NEK7: variants seen among roughly 807,000 people sequenced by gnomAD.
NEK7 encodes the protein NIMA related kinase 7.
NEK7 carries 18 observed loss-of-function variants against 44.6 expected under a neutral mutation model. That is an observed-to-expected ratio of 0.40 (90% confidence interval 0.28 to 0.60). The LOEUF (loss-of-function observed/expected upper bound fraction) is 0.60, where lower values mean the gene tolerates loss of function less well. NEK7 is among the 20% of genes least tolerant of loss of function. NEK7 has a pLI of 0.38. For missense variants in NEK7, 256 were observed against 366.5 expected, an observed-to-expected ratio of 0.70 and a Z score of 2.46; for synonymous variants, 130 against 121.1, an observed-to-expected ratio of 1.07 and a Z score of -0.48.
intron 5 of NEK7, among the ~76,000 whole-genome samples, chr1:198,273,543 C>G (rs1653919649): frequency 6.6e-6 from 1 of 151,654 alleles, no homozygotes; most frequent in East Asian, 1.9e-4. Flanking sequence ...ATAACCACGA[C>G]AAAATATAGT....
chr1:198,227,476 G>C (rs372454844), intron 1 of NEK7, among the ~76,000 whole-genome samples: 2 of 152,112 alleles, frequency 1.3e-5, no homozygotes, highest in Non-Finnish European at 2.9e-5. Flanking sequence ...CTAGTTTACA[G>C]TCCCACCAAC....
chr1:198,239,203 C>T (rs1004281774), intron 2 of NEK7, among the ~76,000 whole-genome samples: 3 of 152,050 alleles, frequency 2.0e-5, no homozygotes, highest in Admixed American at 6.6e-5. Context: ...TATTATATTC[C>T]TCGCCTTATT....
intron 1 of NEK7, among the ~76,000 whole-genome samples, chr1:198,222,297 A>G (rs147336473): frequency 1.6e-3 from 239 of 152,322 alleles, no homozygotes; most frequent in Non-Finnish European, 1.9e-3. Flanking sequence ...TTTCAATCAC[A>G]TTAAAAAGCT....
chr1:198,166,686 C>T (rs1664278804), intron 1 of NEK7, among the ~76,000 whole-genome samples: 1 of 152,194 alleles, frequency 6.6e-6, no homozygotes, highest in Non-Finnish European at 1.5e-5. Flanking sequence ...TTAAGTTTAC[C>T]GTTTTATTTG....
intron 1 of NEK7, among the ~76,000 whole-genome samples, chr1:198,179,138 T>C (rs534361764): frequency 6.6e-6 from 1 of 152,172 alleles, no homozygotes; most frequent in East Asian, 1.9e-4. Flanking sequence ...TCATTGAGTA[T>C]AGGAAATATA....
In NEK7 at chr1:198,320,364, AT is replaced by A. The variant is rs541519811; in HGVS notation, c.*845del. 5.3e-4 allele frequency: 81 copies of A among 152,232 alleles called. No homozygotes were observed. Among genetic ancestry groups the A allele is most frequent in the African/African-American group, 1.9e-3 (78 of 41,556 alleles). 9.4% of individuals were successfully genotyped at this position (152,232 alleles called of 1,614,324 possible). A position where few individuals can be genotyped will look rare whatever the true frequency, so the allele number is the denominator to read the frequency against. On this transcript the variant is annotated 3_prime_UTR_variant, in exon 10 of 10. Coordinates refer to ENST00000367385, the MANE Select transcript of NEK7 (RefSeq NM_133494.3). ...AATAACCTTGCAGTACTATATTTCA[AT>A]TTCTTTATAAATTTAAGTGCATTTT...
intron 5 of NEK7, 35 bp downstream of exon 5, chr1:198,264,270 TTG>T: frequency 6.8e-7 from 1 of 1,479,894 alleles, no homozygotes; most frequent in Non-Finnish European, 9.3e-7. Flanking sequence ...ATGTTTTGTT[TTG>T]TTTTTTTTTC....
At chr1:198,277,795 T>C (rs1654061217) in intron 5 of NEK7, 166 bp from the exon 6 acceptor site, 2 of 558,660 alleles carry the variant, frequency 3.6e-6, no homozygotes, top group Non-Finnish European at 6.3e-6. Flanking sequence ...TAAGCCATTA[T>C]GTCAGATAAA....
intron 1 of NEK7, among the ~76,000 whole-genome samples, chr1:198,202,826 A>G (rs1260291528): frequency 6.6e-6 from 1 of 152,172 alleles, no homozygotes; most frequent in Non-Finnish European, 1.5e-5. Context: ...CCACATGGGA[A>G]TTATGGGAGC....
At chr1:198,183,265 G>A (rs986166636) in intron 1 of NEK7, among the ~76,000 whole-genome samples, 1 of 138,762 alleles carries the variant, frequency 7.2e-6, no homozygotes, top group African/African-American at 2.8e-5. Context: ...AAGATGTTTC[G>A]GAATACTACT....
At chr1:198,189,996 G>A in intron 1 of NEK7, among the ~76,000 whole-genome samples, 1 of 152,030 alleles carries the variant, frequency 6.6e-6, no homozygotes, top group East Asian at 1.9e-4. Context: ...CAAATGTTAA[G>A]AATGCAACAT....
At position 198,282,782 on chromosome 1, in the gene NEK7, T is replaced by G. The variant is rs139273732; in HGVS notation, c.589+3721T>G. On this transcript the variant is annotated intron_variant, in intron 7 of 9. Coordinates refer to ENST00000367385, the MANE Select transcript of NEK7 (RefSeq NM_133494.3). The stretch of plus-strand genomic sequence containing the variant: ...ATTTATTTATTCTGCCTGAACTGAT[T>G]GATTCAAAAAATAGTTTTCATACCT... 6.1e-4 allele frequency among the ~76,000 whole-genome samples: 93 copies of G among 152,220 alleles called. 1 individual carries two copies. The highest frequency in any genetic ancestry group is 9.7e-4 in the East Asian group (5 of 5,172).
chr1:198,194,449 C>T (rs765014895), intron 1 of NEK7, among the ~76,000 whole-genome samples: 97 of 152,102 alleles, frequency 6.4e-4, no homozygotes, highest in Non-Finnish European at 1.1e-3. Flanking sequence ...CTCCTCCCAC[C>T]CTTCACCCTC....
chr1:198,179,798 A>T (rs1558044040), intron 1 of NEK7, among the ~76,000 whole-genome samples: 2 of 150,708 alleles, frequency 1.3e-5, no homozygotes, highest in African/African-American at 4.9e-5. Context: ...GTTACACAGG[A>T]GTGTGTGTGT....
At chr1:198,191,083 A>T (rs921597894) in intron 1 of NEK7, among the ~76,000 whole-genome samples, 2 of 152,062 alleles carry the variant, frequency 1.3e-5, no homozygotes, top group African/African-American at 4.8e-5. Context: ...GGAAACTAAC[A>T]CATCAAGGGG....
At chr1:198,210,596 G>A (rs913450104) in intron 1 of NEK7, among the ~76,000 whole-genome samples, 20 of 147,070 alleles carry the variant, frequency 1.4e-4, no homozygotes, top group African/African-American at 4.3e-4. Context: ...AGAGTACTGA[G>A]TAAAAGTATA....
At chr1:198,208,704 A>AT (rs1665669307) in intron 1 of NEK7, 1 of 152,148 alleles carries the variant, frequency 6.6e-6, no homozygotes, top group Non-Finnish European at 1.5e-5. Context: ...TAATTTTAGT[A>AT]TTTGAGATAA....
At chr1:198,250,092 A>G (rs1035910184) in intron 2 of NEK7, among the ~76,000 whole-genome samples, 3 of 148,954 alleles carry the variant, frequency 2.0e-5, no homozygotes, top group Non-Finnish European at 3.0e-5. Flanking sequence ...TCAGCTTTCT[A>G]CATATGGCTA....
intron 1 of NEK7, among the ~76,000 whole-genome samples, chr1:198,228,458 C>T (rs1430262088): frequency 2.0e-5 from 3 of 152,030 alleles, no homozygotes; most frequent in Non-Finnish European, 2.9e-5. Flanking sequence ...TTACCTTGGG[C>T]AGTATGGCCA....
Sources: allele counts gnomAD v4.1 joint callset (sites outside exome capture counted in the v4.1 genomes callset), GRCh38; gene constraint gnomAD v4.1.1; transcripts MANE v1.5; gene names NCBI Gene and HGNC (gene_info 2026-07-23, HGNC 2026-07-21).